WWC1: variants seen among roughly 807,000 people sequenced by gnomAD.
The protein encoded by WWC1 is protein KIBRA.
Under a neutral mutation model 138.4 loss-of-function variants are expected in WWC1, and 55 were observed. The observed-to-expected ratio is 0.40, with a 90% CI of 0.32 to 0.50. The LOEUF (loss-of-function observed/expected upper bound fraction) is 0.50. Ranked by LOEUF, WWC1 falls within the 20% of genes least tolerant of loss-of-function variation. The pLI, the probability that WWC1 is intolerant of heterozygous loss-of-function variation, is 0.72. For synonymous variants in WWC1, 524 were observed against 564.9 expected, an observed-to-expected ratio of 0.93 and a Z score of 1.03; for missense variants, 1,226 against 1,420.4, an observed-to-expected ratio of 0.86 and a Z score of 2.20.
At chr5:168,424,106 G>A in intron 11 of WWC1, 38 bp downstream of exon 11, 1 of 1,544,082 alleles carries the variant, frequency 6.5e-7, no homozygotes, top group Non-Finnish European at 8.7e-7. Flanking sequence ...GAACCAGGAG[G>A]AGGGAAAGAG....
chr5:168,471,204 A>G lies in WWC1; in HGVS notation c.*2187A>G, dbSNP rs981043366. 2 of 152,374 alleles carry G rather than the reference A, an allele frequency of 1.3e-5. No individual in the cohort carries two copies. Among genetic ancestry groups the G allele is most frequent in the Non-Finnish European group, 2.9e-5 (2 of 68,236 alleles). 9.4% of individuals were successfully genotyped at this position (152,374 alleles called of 1,614,324 possible). On this transcript the variant is annotated 3_prime_UTR_variant, in exon 23 of 23. Coordinates refer to ENST00000265293, the MANE Select transcript of WWC1 (RefSeq NM_015238.3). ...GTCTCTCCTCATGTATAAGGAACCT[A>G]TAGTGGTGTAGAATCTACTCTTCTT...
chr5:168,408,554 C>G lies in WWC1; in HGVS notation c.768C>G (p.His256Gln). 1 of 1,614,220 alleles carries G rather than the reference C, an allele frequency of 6.2e-7. No individual in the cohort carries two copies. Among genetic ancestry groups the G allele is most frequent in the South Asian group, 1.1e-5 (1 of 91,082 alleles). Residue 256 changes from histidine to glutamine, a missense_variant, in exon 7 of 23, where the codon CAC becomes CAG. Physicochemically the swap from His to Gln is conservative, Grantham distance 24. Transcript: ENST00000265293. ...KDGFRTDRGS[H>Q]SDLWSSSSSL... ...GCTTCCGCACTGACAGGGGGTCTCA[C>G]TCAGACCTGTGGTCCAGCAGCAGCT...
intron 16 of WWC1, among the ~76,000 whole-genome samples, chr5:168,442,482 T>C (rs1754871214): frequency 6.7e-6 from 1 of 150,194 alleles, no homozygotes; most frequent in Non-Finnish European, 1.5e-5. Flanking sequence ...AAAGTTTTTA[T>C]GATGCTTTGA....
intron 3 of WWC1, among the ~76,000 whole-genome samples, chr5:168,392,765 A>G (rs1329926268): frequency 6.6e-6 from 1 of 152,210 alleles, no homozygotes; most frequent in African/African-American, 2.4e-5. Flanking sequence ...ACCACACTCT[A>G]GTCAGCATTT....
intron 1 of WWC1, among the ~76,000 whole-genome samples, chr5:168,300,556 T>C (rs1312485039): frequency 6.8e-6 from 1 of 147,806 alleles, no homozygotes; most frequent in Non-Finnish European, 1.5e-5. Context: ...GACGGAGGCT[T>C]AAGTTCTCAC....
At chr5:168,468,800 C>A in intron 22 of WWC1, 151 bp from the exon 23 acceptor site, 2 of 688,768 alleles carry the variant, frequency 2.9e-6, no homozygotes, top group Non-Finnish European at 4.9e-6. Flanking sequence ...AAGGATACAG[C>A]CAGCATCTAG....
chr5:168,411,873 A>G (rs143223542), intron 8 of WWC1: 1 of 645,856 alleles, frequency 1.5e-6, no homozygotes, highest in East Asian at 1.4e-4. Flanking sequence ...AGTCAGCTGT[A>G]TGGGAACCAG....
chr5:168,354,759 T>C (rs905662196), intron 1 of WWC1, among the ~76,000 whole-genome samples: 1 of 152,160 alleles, frequency 6.6e-6, no homozygotes. Context: ...CGTTCTTTGG[T>C]CATTTCCAGT....
chr5:168,404,268 CCA>C (rs2152835624), intron 5 of WWC1, among the ~76,000 whole-genome samples: 1 of 152,362 alleles, frequency 6.6e-6, no homozygotes, highest in African/African-American at 2.4e-5. Flanking sequence ...TGCAGCAGGG[CCA>C]CTGCCTGTCC....
chr5:168,338,170 G>C (rs1276612797), intron 1 of WWC1, among the ~76,000 whole-genome samples: 2 of 151,644 alleles, frequency 1.3e-5, no homozygotes, highest in Non-Finnish European at 2.9e-5. Flanking sequence ...AATTAGCCGG[G>C]CGTGGTGGCA....
At chr5:168,355,605 C>T (rs1001664402) in intron 1 of WWC1, among the ~76,000 whole-genome samples, 4 of 151,076 alleles carry the variant, frequency 2.6e-5, no homozygotes, top group South Asian at 2.1e-4. Context: ...GCGAGACCTG[C>T]GGGAGCAAAA....
At chr5:168,348,402 G>C (rs193202506) in intron 1 of WWC1, among the ~76,000 whole-genome samples, 7 of 152,344 alleles carry the variant, frequency 4.6e-5, no homozygotes, top group Admixed American at 6.5e-5. Flanking sequence ...AGTGACCCAG[G>C]CTCCTTTAAT....
At chr5:168,370,691 T>G (rs1428563656) in intron 1 of WWC1, among the ~76,000 whole-genome samples, 1 of 152,242 alleles carries the variant, frequency 6.6e-6, no homozygotes, top group East Asian at 1.9e-4. Flanking sequence ...TTTCTAGCAC[T>G]GACAAGCCTT....
In WWC1 at chr5:168,385,345, G is replaced by A. The variant is rs540923375; in HGVS notation, c.364G>A (p.Glu122Lys). 6.8e-6 allele frequency: 11 copies of A among 1,614,064 alleles called. No individual in the cohort carries two copies. The South Asian group carries it at 1.1e-4, about 16-fold the overall frequency. ...EIYQVKQQRLELAQQEYQQLH... is the reference protein window; with the variant it reads ...EIYQVKQQRLKLAQQEYQQLH... ...CTACCAGGTGAAGCAGCAGCGCCTG[G>A]AGCTTGCACAGCAGGAGTACCAGCA... The change falls in exon 3 of 23, where the codon GAG (glutamate) becomes AAG (lysine). Residue 122 changes from glutamate (E) to lysine (K), a missense_variant. By Grantham distance (56) the Glu-to-Lys change is moderately conservative. Around this residue, in one of 3 missense-constraint regions of WWC1, gnomAD observed 1,016 missense variants for 1,153.9 expected, o/e 0.88. Coordinates refer to ENST00000265293, the MANE Select transcript of WWC1 (RefSeq NM_015238.3).
At chr5:168,451,481 G>A (rs767741874) in intron 17 of WWC1, among the ~76,000 whole-genome samples, 59 of 152,172 alleles carry the variant, frequency 3.9e-4, no homozygotes, top group Non-Finnish European at 7.1e-4. Context: ...GAGGCAGGAA[G>A]ATTTCTTGAG....
intron 1 of WWC1, among the ~76,000 whole-genome samples, chr5:168,314,095 C>T (rs1771359445): frequency 1.3e-5 from 2 of 152,164 alleles, no homozygotes; most frequent in African/African-American, 2.4e-5. Context: ...TGGGAGCACT[C>T]ATGGCAGGGT....
chr5:168,401,644 C>A (rs1478576267), intron 5 of WWC1, among the ~76,000 whole-genome samples: 1 of 152,194 alleles, frequency 6.6e-6, no homozygotes, highest in Non-Finnish European at 1.5e-5. Context: ...TGTATTATTA[C>A]AAATTGTATG....
chr5:168,419,418 G>A (rs573140557), intron 9 of WWC1, among the ~76,000 whole-genome samples: 1 of 152,316 alleles, frequency 6.6e-6, no homozygotes, highest in South Asian at 2.1e-4. Flanking sequence ...TACATGGTGG[G>A]CACTGTGCTG....
chr5:168,415,822 GTGTGT>G, intron 9 of WWC1: 3 of 83,210 alleles, frequency 3.6e-5, no homozygotes, highest in Admixed American at 1.3e-4. Flanking sequence ...GGGCGTGTGT[GTGTGT>G]GTGTGTGTGT....
Sources: gnomAD v4.1 joint callset for allele counts (sites outside exome capture counted in the v4.1 genomes callset) on GRCh38, gnomAD v4.1.1 for gene constraint, gnomAD v4.1.1 regional missense constraint, MANE v1.5 for transcripts, NCBI Gene and HGNC (gene_info 2026-07-23, HGNC 2026-07-21) for gene names.